Variants in HTR7 observed in about 807,000 individuals in gnomAD.
HTR7 encodes the protein 5-HT-7.
A neutral mutation model predicts 34.0 loss-of-function variants in HTR7; 16 were observed. That is an observed-to-expected ratio of 0.47 (90% CI 0.32 to 0.71). The LOEUF is 0.71. HTR7 is among the 30% of genes least tolerant of loss of function. The pLI is 0.04. For synonymous variants in HTR7, 265 were observed against 260.2 expected, an observed-to-expected ratio of 1.02 and a Z score of -0.18; for missense variants, 504 against 625.5, an observed-to-expected ratio of 0.81 and a Z score of 2.07.
intron 1 of HTR7, among the ~76,000 whole-genome samples, chr10:90,797,456 C>A (rs144787123): frequency 5.3e-4 from 81 of 152,276 alleles, no homozygotes; most frequent in African/African-American, 1.9e-3. Flanking sequence ...TAGCCATAAT[C>A]TAAATGAAAA....
intron 1 of HTR7, among the ~76,000 whole-genome samples, chr10:90,835,787 G>A (rs1252529841): frequency 6.6e-6 from 1 of 152,158 alleles, no homozygotes; most frequent in Non-Finnish European, 1.5e-5. Flanking sequence ...GAGCTTGAGA[G>A]GGACACCTAA....
intron 1 of HTR7, among the ~76,000 whole-genome samples, chr10:90,802,514 T>C (rs955170344): frequency 6.6e-6 from 1 of 152,214 alleles, no homozygotes; most frequent in African/African-American, 2.4e-5. Flanking sequence ...GAAGAGGCTT[T>C]TGAATTGAGT....
intron 1 of HTR7, among the ~76,000 whole-genome samples, chr10:90,754,937 A>G (rs1251060846): frequency 1.3e-5 from 2 of 152,214 alleles, no homozygotes; most frequent in Non-Finnish European, 2.9e-5. Flanking sequence ...AAAATCCACT[A>G]GAATCTCCGG....
At chr10:90,842,147 T>C (rs1018568653) in intron 1 of HTR7, among the ~76,000 whole-genome samples, 4 of 152,212 alleles carry the variant, frequency 2.6e-5, no homozygotes, top group African/African-American at 9.6e-5. Context: ...GGTGATTAAG[T>C]CATGAGGTTA....
intron 1 of HTR7, among the ~76,000 whole-genome samples, chr10:90,769,684 C>T (rs970220524): frequency 1.1e-4 from 17 of 151,962 alleles, no homozygotes; most frequent in African/African-American, 4.1e-4. Flanking sequence ...GATAAATGAA[C>T]AAAAGAATTT....
At chr10:90,821,939 C>G (rs985876759) in intron 1 of HTR7, among the ~76,000 whole-genome samples, 2 of 152,298 alleles carry the variant, frequency 1.3e-5, no homozygotes, top group African/African-American at 4.8e-5. Context: ...TGAGGCCTCC[C>G]CAGCCATGCC....
intron 1 of HTR7, among the ~76,000 whole-genome samples, chr10:90,792,314 T>C (rs1013612054): frequency 2.6e-5 from 4 of 152,120 alleles, no homozygotes; most frequent in African/African-American, 9.7e-5. Context: ...CAGCCTGTAA[T>C]AGGACTCTTT....
At position 90,857,555 on chromosome 10, in the gene HTR7, C is replaced by T. The variant is rs751101780; in HGVS notation, c.117G>A (p.Pro39=). ...PDLSPDGGAD[P]VAGSWAPHLL... ...GGTGCGGCGCCCAGGAGCCCGCGACCGGGTCGGCGCCACCGTCGGGGCTCA... is the reference window on the plus strand; with the variant it reads ...GGTGCGGCGCCCAGGAGCCCGCGACTGGGTCGGCGCCACCGTCGGGGCTCA... Residue 39 remains proline, a synonymous_variant, in exon 1 of 4, where the codon CCG becomes CCA. Coordinates refer to ENST00000336152, the MANE Select transcript of HTR7 (RefSeq NM_019859.4). The surrounding 1 kb of genome is among the most constrained non-coding windows in gnomAD (Gnocchi z 6.5). 2 of 1,597,296 alleles carry T rather than the reference C, an allele frequency of 1.3e-6. No homozygotes were observed. The highest frequency in any genetic ancestry group is 8.5e-7 in the Non-Finnish European group (1 of 1,173,096).
intron 1 of HTR7, among the ~76,000 whole-genome samples, chr10:90,790,685 T>C (rs1313674318): frequency 6.6e-6 from 1 of 152,282 alleles, no homozygotes; most frequent in East Asian, 1.9e-4. Flanking sequence ...TTCAGTTAAA[T>C]TGAAGAAGAA....
intron 1 of HTR7, among the ~76,000 whole-genome samples, chr10:90,811,849 T>C (rs943218010): frequency 6.6e-6 from 1 of 151,034 alleles, no homozygotes; most frequent in African/African-American, 2.4e-5. Context: ...ACCGTAGTCA[T>C]TTCCTCCCTT....
At chr10:90,831,685 T>A (rs946194708) in intron 1 of HTR7, among the ~76,000 whole-genome samples, 1 of 152,124 alleles carries the variant, frequency 6.6e-6, no homozygotes, top group Non-Finnish European at 1.5e-5. Context: ...TTACAGAGAG[T>A]TGATTGGTCC....
chr10:90,813,561 G>A (rs58586220), intron 1 of HTR7, among the ~76,000 whole-genome samples: 39,234 of 151,416 alleles, frequency 0.26, 5,390 homozygotes, highest in African/African-American at 0.35. Flanking sequence ...GTGAGGGTTC[G>A]GGAGTCCTTG....
intron 1 of HTR7, among the ~76,000 whole-genome samples, chr10:90,837,672 A>C (rs561894253): frequency 1.8e-4 from 27 of 152,342 alleles, no homozygotes; most frequent in African/African-American, 6.5e-4. Flanking sequence ...AACAACAGAA[A>C]ATGACTAACA....
At chr10:90,845,398 T>C (rs535747019) in intron 1 of HTR7, among the ~76,000 whole-genome samples, 19 of 152,320 alleles carry the variant, frequency 1.2e-4, no homozygotes, top group Admixed American at 8.5e-4. Flanking sequence ...GAAATACGTA[T>C]GACCTTTGGA....
chr10:90,764,998 C>A (rs1055396527), intron 1 of HTR7, among the ~76,000 whole-genome samples: 3 of 152,104 alleles, frequency 2.0e-5, no homozygotes, highest in Admixed American at 2.0e-4. Flanking sequence ...TTTATTTTCT[C>A]ATACAGTCCT....
At chr10:90,806,486 C>T (rs1447316271) in intron 1 of HTR7, among the ~76,000 whole-genome samples, 2 of 152,036 alleles carry the variant, frequency 1.3e-5, no homozygotes, top group African/African-American at 4.8e-5. Context: ...GTAGTCTCAG[C>T]TACTTGGGAG....
At chr10:90,765,720 G>A (rs1845011128) in intron 1 of HTR7, among the ~76,000 whole-genome samples, 1 of 151,852 alleles carries the variant, frequency 6.6e-6, no homozygotes, top group Non-Finnish European at 1.5e-5. Flanking sequence ...GGTATGTTGT[G>A]TTTCCATTTT....
intron 1 of HTR7, among the ~76,000 whole-genome samples, chr10:90,816,513 G>T (rs1324300484): frequency 6.6e-6 from 1 of 152,098 alleles, no homozygotes; most frequent in African/African-American, 2.4e-5. Context: ...CTCTAAAAAA[G>T]AACCTAGTTA....
At chr10:90,782,164 T>C (rs1427630211) in intron 1 of HTR7, among the ~76,000 whole-genome samples, 2 of 152,140 alleles carry the variant, frequency 1.3e-5, no homozygotes, top group Non-Finnish European at 2.9e-5. Context: ...GGCGAGAGAC[T>C]GCACTCAATG....
Sources: allele counts gnomAD v4.1 joint callset (sites outside exome capture counted in the v4.1 genomes callset), GRCh38; gene constraint gnomAD v4.1.1; non-coding constraint Gnocchi (gnomAD v3.1); transcripts MANE v1.5; gene names NCBI Gene and HGNC (gene_info 2026-07-23, HGNC 2026-07-21).